ZNF124: variants seen among roughly 807,000 people sequenced by gnomAD.
ZNF124 encodes zinc finger protein 124.
Under a neutral mutation model 26.6 loss-of-function variants are expected in ZNF124, and 25 were observed. The observed-to-expected ratio is 0.94, with a 90% CI of 0.68 to 1.31. The LOEUF (loss-of-function observed/expected upper bound fraction) is 1.31. Among genes scored for constraint, ZNF124 ranks in the 40% most tolerant of loss-of-function variants. The pLI, the probability that ZNF124 is intolerant of heterozygous loss-of-function variation, is 0.00. For missense variants in ZNF124, 444 were observed against 422.2 expected (o/e 1.05, Z -0.45); for synonymous variants, 129 against 133.3 (o/e 0.97, Z 0.22).
intron 3 of ZNF124, among the ~76,000 whole-genome samples, chr1:247,128,620 A>ATT (rs576314402): frequency 2.1e-5 from 3 of 144,442 alleles, no homozygotes; most frequent in South Asian, 4.6e-4. Flanking sequence ...TAGGACTTAG[A>ATT]TTTTTTTTTT....
At position 247,157,325 on chromosome 1, in the gene ZNF124, A is replaced by G. The variant is rs1249899109; in HGVS notation, c.297T>C (p.Cys99=). ...TTGTGACAGAAAGGGAAGTTTTCTG[A>G]CATTGTTTACATGTACATGGCTTCT... ...CGKKPCTCKQ[C]QKTSLSVTRV... is the part of the protein sequence containing the mutation. Residue 99 remains cysteine (C), a synonymous_variant, in exon 4 of 4, where the codon TGT becomes TGC. Coordinates refer to ENST00000543802, the MANE Select transcript of ZNF124 (RefSeq NM_001297568.2). 2 of 1,572,776 alleles carry G rather than the reference A, an allele frequency of 1.3e-6. No individual in the cohort carries two copies. The highest frequency in any genetic ancestry group is 1.1e-5 in the South Asian group (1 of 87,032).
chr1:247,165,058 C>G (rs1673699426), intron 1 of ZNF124, among the ~76,000 whole-genome samples: 1 of 152,118 alleles, frequency 6.6e-6, no homozygotes, highest in African/African-American at 2.4e-5. Flanking sequence ...GCTCCGCTGC[C>G]CCGGTTCATG....
At position 247,156,549 on chromosome 1, in the gene ZNF124, T is replaced by A; in HGVS notation, c.*17A>T. On this transcript the variant is annotated 3_prime_UTR_variant, in exon 4 of 4. Coordinates refer to ENST00000543802, the MANE Select transcript of ZNF124 (RefSeq NM_001297568.2). The stretch of plus-strand genomic sequence containing the variant: ...GACTGTTCATGTTTTTGACAAAAAC[T>A]GTAGTGATTAAAGCCTTTACATTTT... 1.3e-6 allele frequency: 2 copies of A among 1,511,818 alleles called. No homozygotes were observed. Among genetic ancestry groups the A allele is most frequent in the Non-Finnish European group, 1.8e-6 (2 of 1,134,352 alleles). 93.7% of individuals were successfully genotyped at this position (1,511,818 alleles called of 1,614,324 possible).
intron 3 of ZNF124, among the ~76,000 whole-genome samples, chr1:247,131,314 T>C (rs1215899649): frequency 2.6e-5 from 4 of 152,070 alleles, no homozygotes; most frequent in East Asian, 1.9e-4. Context: ...AACCCACGGA[T>C]TGGAAGATCC....
At chr1:247,167,180 AAAAC>A (rs1249948179) in intron 1 of ZNF124, among the ~76,000 whole-genome samples, 1 of 152,244 alleles carries the variant, frequency 6.6e-6, no homozygotes, top group Non-Finnish European at 1.5e-5. Flanking sequence ...CTGAAATACC[AAAAC>A]AAACAAGCAA....
At chr1:247,162,173 G>C (rs1399279403) in intron 1 of ZNF124, among the ~76,000 whole-genome samples, 1 of 152,092 alleles carries the variant, frequency 6.6e-6, no homozygotes, top group Non-Finnish European at 1.5e-5. Context: ...TAAGTACATA[G>C]ACCAGTGACA....
Position 247,134,431 on chromosome 1 carries a change from CA to C in ZNF124, c.219-10561del, listed in dbSNP as rs575078736. ...GAATATTTACCAAGCAAATGTAAAG[CA>C]AAAAAAAGGCAGGGATTGCAATCCT... On this transcript the variant is annotated intron_variant, in intron 3 of 3. Transcript: ENST00000472531. 2.0e-5 allele frequency among the ~76,000 whole-genome samples: 3 copies of C among 150,386 alleles called. No homozygotes were observed. In the South Asian group the frequency reaches 6.3e-4, roughly 32 times the overall value.
chr1:247,159,926 T>G, intron 1 of ZNF124, 113 bp from the exon 2 acceptor site: 1 of 1,357,390 alleles, frequency 7.4e-7, no homozygotes, highest in Non-Finnish European at 9.9e-7. Flanking sequence ...TTCTACTATT[T>G]GGTCACTAGA....
At position 247,156,503 on chromosome 1, in the gene ZNF124, C is replaced by T; in HGVS notation, c.*63G>A. 6.9e-7 allele frequency: 1 copy of T among 1,459,312 alleles called. No individual in the cohort carries two copies. The highest frequency in any genetic ancestry group is 2.6e-4 in the Middle Eastern group (1 of 3,890). 90.4% of individuals were successfully genotyped at this position (1,459,312 alleles called of 1,614,324 possible). ...TAAGTACTTTCCTACACCTTACATT[C>T]ACAGTTTCTCTCAAGTATGTGACTG... On this transcript the variant is annotated 3_prime_UTR_variant, in exon 4 of 4. Transcript: ENST00000543802.
chr1:247,153,086 TTG>T (rs1672991799), downstream of ZNF124, among the ~76,000 whole-genome samples: 1 of 151,548 alleles, frequency 6.6e-6, no homozygotes, highest in Non-Finnish European at 1.5e-5. Flanking sequence ...TAAGCTGAGA[TTG>T]CGCCACTGCA....
At chr1:247,162,308 A>G (rs1013369433) in intron 1 of ZNF124, among the ~76,000 whole-genome samples, 3 of 152,232 alleles carry the variant, frequency 2.0e-5, no homozygotes, top group African/African-American at 4.8e-5. Context: ...ATTAAAAGGC[A>G]AAATGACAAG....
chr1:247,137,848 C>G (rs1572062425), intron 3 of ZNF124, among the ~76,000 whole-genome samples: 2 of 152,144 alleles, frequency 1.3e-5, no homozygotes, highest in Non-Finnish European at 2.9e-5. Flanking sequence ...CTAACAAACA[C>G]ATGAACAAAA....
chr1:247,146,852 CT>C lies in ZNF124; in HGVS notation c.218+12153del, dbSNP rs1367512270. ...ACAGGAGTCCCAAGCCCGAATCTGT[CT>C]CCCTCTGCTGGCATCAAGGCAGAAT... On this transcript the variant is annotated intron_variant, in intron 3 of 3. Transcript: ENST00000472531. Among the ~76,000 whole-genome samples, 5 of 152,192 alleles carry C rather than the reference CT, an allele frequency of 3.3e-5. No homozygotes were observed. The East Asian group carries it at 9.6e-4, about 29-fold the overall frequency.
At position 247,157,381 on chromosome 1, in the gene ZNF124, T is replaced by C; in HGVS notation, c.241A>G (p.Asn81Asp). Residue 81 changes from asparagine (N) to aspartate (D), a missense_variant, in exon 4 of 4, where the codon AAC (asparagine) becomes GAC (aspartate). Physicochemically the swap from Asn to Asp is conservative, Grantham distance 23. Transcript: ENST00000543802. Reference sequence around the variant, plus strand: ...CATTCCTCACACCCATATGGGTTGTTTCCAGAATGAGATATGATGTGCCTA... The same window carrying C: ...CATTCCTCACACCCATATGGGTTGTCTCCAGAATGAGATATGATGTGCCTA... The part of the protein sequence containing the change: ...NLRHIISHSG[N>D]NPYGCEECGK... The C allele has an allele frequency of 3.2e-6, 5 of 1,552,774 alleles. No individual in the cohort carries two copies. The highest frequency in any genetic ancestry group is 4.4e-6 in the Non-Finnish European group (5 of 1,147,380).
intron 3 of ZNF124, among the ~76,000 whole-genome samples, chr1:247,131,529 G>A (rs1032831010): frequency 1.3e-5 from 2 of 152,178 alleles, no homozygotes; most frequent in African/African-American, 4.8e-5. Context: ...ACTGCCTAAC[G>A]TGCTAAGCTC....
intron 3 of ZNF124, among the ~76,000 whole-genome samples, chr1:247,147,917 T>C (rs775945300): frequency 6.6e-5 from 10 of 152,220 alleles, no homozygotes; most frequent in Admixed American, 1.3e-4. Context: ...TCTGCTTTCA[T>C]GGTGAACCCT....
chr1:247,144,223 A>G (rs1403743731), intron 3 of ZNF124, among the ~76,000 whole-genome samples: 3 of 152,170 alleles, frequency 2.0e-5, no homozygotes, highest in South Asian at 2.1e-4. Context: ...TCCCTCCCCA[A>G]CTACATCCAC....
intron 3 of ZNF124, among the ~76,000 whole-genome samples, chr1:247,137,218 A>G (rs1672504765): frequency 6.6e-6 from 1 of 151,974 alleles, no homozygotes; most frequent in Non-Finnish European, 1.5e-5. Flanking sequence ...TCTCTGATTC[A>G]GTAAATGGTG....
intron 1 of ZNF124, among the ~76,000 whole-genome samples, chr1:247,164,189 T>C (rs905304343): frequency 6.6e-6 from 1 of 152,184 alleles, no homozygotes; most frequent in South Asian, 2.1e-4. Context: ...GCCAACATCA[T>C]AGTGAATAGG....
Sources: gnomAD v4.1 joint callset for allele counts (sites outside exome capture counted in the v4.1 genomes callset) on GRCh38, gnomAD v4.1.1 for gene constraint, MANE v1.5 for transcripts, NCBI Gene and HGNC (gene_info 2026-07-23, HGNC 2026-07-21) for gene names.